Variants in TULP3 observed in about 807,000 individuals in gnomAD.
The protein encoded by TULP3 is TUB like protein 3.
Under a neutral mutation model 50.7 loss-of-function variants are expected in TULP3, and 38 were observed. That is an observed-to-expected ratio of 0.75 (90% confidence interval 0.58 to 0.98). The LOEUF is 0.98. TULP3 is among the 50% of genes least tolerant of loss of function. The probability of loss-of-function intolerance (pLI) is 0.00; values close to 1 mark genes in which losing one functional copy is unlikely to be tolerated. For synonymous variants in TULP3, 183 were observed against 196.6 expected, an observed-to-expected ratio of 0.93 and a Z score of 0.58; for missense variants, 550 against 568.0, an observed-to-expected ratio of 0.97 and a Z score of 0.32.
In TULP3 at chr12:2,932,948, T is replaced by TA. The variant is rs532441249; in HGVS notation, c.697-470_697-469insA. Reference sequence around the variant, plus strand: ...TAGTGAATTATTTTATTTTTATTTTTTATTTTTTTTTTGAGACAGAGTCTC... The same window carrying TA: ...TAGTGAATTATTTTATTTTTATTTTTATATTTTTTTTTTGAGACAGAGTCTC... On this transcript the variant is annotated intron_variant, in intron 6 of 10. Coordinates refer to ENST00000448120, the MANE Select transcript of TULP3 (RefSeq NM_003324.5). Among the ~76,000 whole-genome samples the TA allele has an allele frequency of 2.1e-3, 318 of 151,854 alleles. 3 individuals are homozygous for TA. The highest frequency in any genetic ancestry group is 1.1e-3 in the Non-Finnish European group (72 of 67,892).
chr12:2,921,048 C>A, intron 3 of TULP3, 126 bp downstream of exon 3: 3 of 1,115,380 alleles, frequency 2.7e-6, no homozygotes, highest in Non-Finnish European at 3.8e-6. Flanking sequence ...CTTCATAAAT[C>A]TTTATAATCA....
chr12:2,938,186 C>T lies in TULP3; in HGVS notation c.1096C>T (p.Pro366Ser). ...TCTGGTTGAGCTGCACAACAAGGCC[C>T]CCGTCTGGAACAGTGACACTCAGTC... ...ENLVELHNKA[P>S]VWNSDTQSYV... The change falls in exon 10 of 11, where the codon CCC (proline) becomes TCC (serine). Residue 366 changes from proline to serine, a missense_variant. By Grantham distance (74) the Pro-to-Ser change is moderately conservative. Transcript: ENST00000448120. 3 of 1,614,128 alleles carry T rather than the reference C, an allele frequency of 1.9e-6. No individual in the cohort carries two copies. The highest frequency in any genetic ancestry group is 2.5e-6 in the Non-Finnish European group (3 of 1,180,034).
At chr12:2,922,107 C>T (rs867624039) in intron 3 of TULP3, among the ~76,000 whole-genome samples, 155 bp from the exon 4 acceptor site, 5 of 152,124 alleles carry the variant, frequency 3.3e-5, no homozygotes, top group South Asian at 2.1e-4. Flanking sequence ...CCAGTTCTGA[C>T]CTTCTCTCTT....
chr12:2,916,415 G>A (rs2098188731), intron 2 of TULP3, among the ~76,000 whole-genome samples: 1 of 113,876 alleles, frequency 8.8e-6, no homozygotes, highest in Admixed American at 8.9e-5. Context: ...TAGCAGGATA[G>A]TAAGACATAC....
intron 1 of TULP3, among the ~76,000 whole-genome samples, chr12:2,896,252 T>G (rs1193097687): frequency 5.9e-5 from 9 of 152,346 alleles, no homozygotes; most frequent in African/African-American, 1.7e-4. Context: ...CAATGTGGTG[T>G]TATCATCTTA....
intron 2 of TULP3, among the ~76,000 whole-genome samples, chr12:2,913,007 C>T (rs368404800): frequency 6.6e-6 from 1 of 150,740 alleles, no homozygotes. Context: ...CAGTCTCCCT[C>T]TGTCGCCAGG....
chr12:2,895,943 C>CTT (rs3056915), intron 1 of TULP3, among the ~76,000 whole-genome samples: 60,190 of 145,092 alleles, frequency 0.41, 12,452 homozygotes, highest in East Asian at 0.56. Flanking sequence ...AGTGAGAATA[C>CTT]TTTTTTTTTT....
At chr12:2,921,406 G>A (rs1332852189) in intron 3 of TULP3, among the ~76,000 whole-genome samples, 1 of 152,200 alleles carries the variant, frequency 6.6e-6, no homozygotes, top group African/African-American at 2.4e-5. Context: ...CTCCCAAAGT[G>A]CTGGGATTAC....
rs2098202271 is a variant in TULP3 at position 2,937,756 on chromosome 12, G to A, written c.1023+27G>A. 3 of 1,506,244 alleles carry A rather than the reference G, an allele frequency of 2.0e-6. No homozygotes were observed. In the East Asian group the frequency reaches 6.9e-5, roughly 34 times the overall value. The allele number at this position is 1,506,244 out of a possible 1,614,324, so 93.3% of individuals were successfully genotyped here. ...TGAGTAAGAATGTATTTAAATCAGT[G>A]AAAGACTCTAAAAGACAGTAGTACA... On this transcript the variant is annotated intron_variant, in intron 9 of 10. Transcript: ENST00000448120.
intron 1 of TULP3, among the ~76,000 whole-genome samples, chr12:2,907,825 T>C (rs1424114307): frequency 6.6e-6 from 1 of 152,078 alleles, no homozygotes; most frequent in Non-Finnish European, 1.5e-5. Flanking sequence ...TAGGAACATA[T>C]GTAGGTGAAA....
intron 1 of TULP3, among the ~76,000 whole-genome samples, chr12:2,907,937 G>A (rs1248866200): frequency 6.6e-6 from 1 of 152,046 alleles, no homozygotes; most frequent in Non-Finnish European, 1.5e-5. Flanking sequence ...TGAGCACCCG[G>A]TGTTTTTTTA....
At chr12:2,919,700 C>T (rs960076238) in intron 2 of TULP3, among the ~76,000 whole-genome samples, 1 of 151,776 alleles carries the variant, frequency 6.6e-6, no homozygotes, top group Non-Finnish European at 1.5e-5. Context: ...ATTATAAACC[C>T]TTATTTGCCA....
rs1406955900 is a variant in TULP3 at position 2,940,287 on chromosome 12, AAG to A, written c.*849_*850del. 6.3e-6 allele frequency: 9 copies of A among 1,433,726 alleles called. No individual in the cohort carries two copies. Among genetic ancestry groups the A allele is most frequent in the Non-Finnish European group, 8.3e-6 (9 of 1,083,762 alleles). 88.8% of individuals were successfully genotyped at this position (1,433,726 alleles called of 1,614,324 possible). On this transcript the variant is annotated 3_prime_UTR_variant, in exon 11 of 11. Transcript: ENST00000448120. The stretch of plus-strand genomic sequence containing the variant: ...CCTGTGCAAACACTTTGTCATTATC[AAG>A]AGAGATGGCAGTATTGACCATTTAG...
At position 2,936,579 on chromosome 12, in the gene TULP3, TAA is replaced by T. The variant is rs55913637; in HGVS notation, c.925-1037_925-1036del. ...CAACATGGAGAAACCCCGTCTCGAC[TAA>T]AAAAAAAAAAAAAATACAAAATTAG... is the stretch of plus-strand genomic sequence containing the variant. On this transcript the variant is annotated intron_variant, in intron 8 of 10. Transcript: ENST00000448120. 1.3e-3 allele frequency among the ~76,000 whole-genome samples: 175 copies of T among 134,616 alleles called. 1 individual carries two copies. Among genetic ancestry groups the T allele is most frequent in the African/African-American group, 2.7e-3 (98 of 36,144 alleles). 88.3% of individuals were successfully genotyped at this position (134,616 alleles called of 152,430 possible).
intron 1 of TULP3, among the ~76,000 whole-genome samples, chr12:2,900,314 T>G (rs906022861): frequency 6.6e-6 from 1 of 152,200 alleles, no homozygotes; most frequent in Non-Finnish European, 1.5e-5. Flanking sequence ...TCAATTTCAT[T>G]TAGAGCATAA....
chr12:2,904,732 G>A (rs1028534549), intron 1 of TULP3, among the ~76,000 whole-genome samples: 1 of 151,672 alleles, frequency 6.6e-6, no homozygotes, highest in Non-Finnish European at 1.5e-5. Flanking sequence ...TTTCTGTTTT[G>A]TGTTGATTTA....
intron 1 of TULP3, among the ~76,000 whole-genome samples, chr12:2,894,124 A>C (rs1032577153): frequency 1.7e-4 from 26 of 152,162 alleles, no homozygotes; most frequent in African/African-American, 5.8e-4. Context: ...TGAGAATTGA[A>C]GGCGTGCTTC....
intron 2 of TULP3, 46 bp downstream of exon 2, chr12:2,909,626 C>T (rs1178581766): frequency 1.9e-6 from 3 of 1,544,552 alleles, no homozygotes; most frequent in Non-Finnish European, 2.6e-6. Context: ...ACTATACTGA[C>T]CGTGATGCTG....
At chr12:2,907,475 C>CAAAAAAAAAAAAAAA (rs60356460) in intron 1 of TULP3, among the ~76,000 whole-genome samples, 1 of 95,828 alleles carries the variant, frequency 1.0e-5, no homozygotes, top group Non-Finnish European at 2.0e-5. Context: ...ACTCCGTCTC[C>CAAAAAAAAAAAAAAA]AAAAAAAAAA....
Sources: gnomAD v4.1 joint callset for allele counts (sites outside exome capture counted in the v4.1 genomes callset) on GRCh38, gnomAD v4.1.1 for gene constraint, MANE v1.5 for transcripts, NCBI Gene and HGNC (gene_info 2026-07-23, HGNC 2026-07-21) for gene names.